TPO: variants seen among roughly 807,000 people sequenced by gnomAD.
TPO encodes the protein thyroid microsomal antigen.
TPO carries 78 observed loss-of-function variants against 96.9 expected under a neutral mutation model. The ratio of observed to expected loss-of-function variants is 0.81; its 90% CI spans 0.67 to 0.97. The LOEUF (loss-of-function observed/expected upper bound fraction) is 0.97. Ranked by LOEUF, TPO falls within the 50% of genes least tolerant of loss-of-function variation. The probability of loss-of-function intolerance (pLI) is 0.00; values close to 1 mark genes in which losing one functional copy is unlikely to be tolerated. For synonymous variants in TPO, 547 were observed against 538.0 expected (o/e 1.02, Z -0.23); for missense variants, 1,252 against 1,274.8 (o/e 0.98, Z 0.27).
intron 6 of TPO, 35 bp downstream of exon 6, chr2:1,453,858 A>T (rs1369128162): frequency 1.2e-6 from 2 of 1,613,322 alleles, no homozygotes; most frequent in Non-Finnish European, 1.7e-6. Flanking sequence ...CTGGACTAAG[A>T]TTGGGTCCTG....
intron 15 of TPO, among the ~76,000 whole-genome samples, chr2:1,519,563 T>C (rs1453439055): frequency 6.6e-6 from 1 of 152,176 alleles, no homozygotes; most frequent in African/African-American, 2.4e-5. Context: ...GCAGGAAATA[T>C]TCCCTATGTT....
At position 1,474,011 on chromosome 2, in the gene TPO, T is replaced by C. The variant is rs554234156; in HGVS notation, c.820-3075T>C. The stretch of plus-strand genomic sequence containing the variant: ...AGTAGCTTTACCAGCTCTTATTTTA[T>C]TTTCTAGACTTTGGTCTAACTGAGA... On this transcript the variant is annotated intron_variant, in intron 7 of 16. Coordinates refer to ENST00000329066, the MANE Select transcript of TPO (RefSeq NM_001206744.2). Among the ~76,000 whole-genome samples, 6 of 152,342 alleles carry C rather than the reference T, an allele frequency of 3.9e-5. No homozygotes were observed. The East Asian group carries it at 5.8e-4, about 15-fold the overall frequency.
intron 1 of TPO, among the ~76,000 whole-genome samples, chr2:1,403,345 G>T (rs13426159): frequency 1.3e-5 from 2 of 152,194 alleles, no homozygotes; most frequent in South Asian, 4.1e-4. Flanking sequence ...TGGAGGCCCA[G>T]ATGGACACCA....
intron 5 of TPO, among the ~76,000 whole-genome samples, chr2:1,438,114 G>A (rs898205229): frequency 4.0e-5 from 6 of 151,768 alleles, no homozygotes; most frequent in African/African-American, 7.3e-5. Context: ...TGGACTACAC[G>A]GGGAGGAGCA....
At chr2:1,506,677 G>A (rs1156348845) in intron 14 of TPO, among the ~76,000 whole-genome samples, 1 of 152,172 alleles carries the variant, frequency 6.6e-6, no homozygotes, top group East Asian at 1.9e-4. Context: ...CTGCATAAAT[G>A]TCTTCTTTTG....
In TPO at chr2:1,453,818, C is replaced by T. The variant is rs767922886; in HGVS notation, c.607C>T (p.Pro203Ser). The T allele has an allele frequency of 1.2e-6, 2 of 1,613,736 alleles. No individual in the cohort carries two copies. Among genetic ancestry groups the T allele is most frequent in the Non-Finnish European group, 1.7e-6 (2 of 1,180,038 alleles). Residue 203 changes from proline to serine, a missense_variant, in exon 6 of 17, where the codon CCC becomes TCC. Transcript: ENST00000329066. ...PGFLYNGFPL[P>S]PVREVTRHVI... ...CTTCTTGTACAACGGGTTCCCACTG[C>T]CCCCGGTGGGTACTCAGAACGCTAC...
At chr2:1,520,378 G>T (rs937957196) in intron 15 of TPO, among the ~76,000 whole-genome samples, 3 of 152,194 alleles carry the variant, frequency 2.0e-5, no homozygotes, top group Non-Finnish European at 4.4e-5. Flanking sequence ...GAGAGGGATA[G>T]GAAGAAAGAG....
At chr2:1,434,782 C>T (rs1375997363) in intron 4 of TPO, among the ~76,000 whole-genome samples, 1 of 152,132 alleles carries the variant, frequency 6.6e-6, no homozygotes, top group Non-Finnish European at 1.5e-5. Flanking sequence ...TAAGTATAGC[C>T]CATCTTGAAA....
At position 1,494,054 on chromosome 2, in the gene TPO, A is replaced by G. The variant is rs755778160; in HGVS notation, c.2006+15A>G. 1 of 1,612,372 alleles carries G rather than the reference A, an allele frequency of 6.2e-7. No individual in the cohort carries two copies. The highest frequency in any genetic ancestry group is 8.5e-7 in the Non-Finnish European group (1 of 1,178,574). On this transcript the variant is annotated intron_variant, in intron 11 of 16. Transcript: ENST00000329066. ...GACGGTGACTGGTACGTTCCTATCC[A>G]GAGCGTCTTCCTTCACGTTCTGCAC...
chr2:1,387,325 G>T, intron 1 of TPO, among the ~76,000 whole-genome samples: 1 of 152,098 alleles, frequency 6.6e-6, no homozygotes, highest in Non-Finnish European at 1.5e-5. Flanking sequence ...TGGTTCCATT[G>T]TCCCCATCAC....
At chr2:1,462,509 T>G (rs1668538593) in intron 7 of TPO, among the ~76,000 whole-genome samples, 1 of 139,768 alleles carries the variant, frequency 7.2e-6, no homozygotes, top group African/African-American at 3.1e-5. Flanking sequence ...AATACGTGTG[T>G]GTAGGTAAAC....
intron 14 of TPO, among the ~76,000 whole-genome samples, chr2:1,508,786 A>C (rs1421442326): frequency 1.3e-5 from 2 of 151,554 alleles, no homozygotes; most frequent in Non-Finnish European, 2.9e-5. Flanking sequence ...TTTCTTCTTT[A>C]TTAGTCTTGC....
chr2:1,496,526 C>G, intron 12 of TPO, 69 bp from the exon 13 acceptor site: 1 of 1,605,100 alleles, frequency 6.2e-7, no homozygotes. Flanking sequence ...GCACCCGTGA[C>G]AGGGACGTTG....
intron 1 of TPO, among the ~76,000 whole-genome samples, chr2:1,384,924 G>C (rs1661866826): frequency 6.6e-6 from 1 of 152,174 alleles, no homozygotes; most frequent in Non-Finnish European, 1.5e-5. Flanking sequence ...AGCATGAAAG[G>C]CTGTTGAATT....
chr2:1,435,346 C>T (rs1665462289), intron 4 of TPO, among the ~76,000 whole-genome samples: 1 of 152,226 alleles, frequency 6.6e-6, no homozygotes, highest in South Asian at 2.1e-4. Context: ...CCTCCACTAA[C>T]TGAATGCACA....
At chr2:1,416,655 A>G (rs1662994482) in intron 2 of TPO, among the ~76,000 whole-genome samples, 1 of 152,360 alleles carries the variant, frequency 6.6e-6, no homozygotes, top group East Asian at 1.9e-4. Flanking sequence ...GCCTGCTCCA[A>G]TATTTCAAAG....
chr2:1,381,846 C>T (rs190263985), intron 1 of TPO, among the ~76,000 whole-genome samples: 19 of 152,242 alleles, frequency 1.2e-4, no homozygotes, highest in Non-Finnish European at 2.4e-4. Context: ...CCATGACTCA[C>T]GGGTGCTGCA....
At chr2:1,472,245 A>G (rs1669493373) in intron 7 of TPO, among the ~76,000 whole-genome samples, 1 of 151,854 alleles carries the variant, frequency 6.6e-6, no homozygotes, top group African/African-American at 2.4e-5. Flanking sequence ...TGCCCTTCAC[A>G]TGATCTGAGT....
In TPO at chr2:1,453,821, C is replaced by T. The variant is rs377557272; in HGVS notation, c.610C>T (p.Pro204Ser). Residue 204 changes from proline (P) to serine (S), a missense_variant and splice_region_variant, in exon 6 of 17, where the codon CCG becomes TCG. By Grantham distance (74) the Pro-to-Ser change is moderately conservative. Coordinates refer to ENST00000329066, the MANE Select transcript of TPO (RefSeq NM_001206744.2). ...CTTGTACAACGGGTTCCCACTGCCCCCGGTGGGTACTCAGAACGCTACTAT... is the reference window on the plus strand; with the variant it reads ...CTTGTACAACGGGTTCCCACTGCCCTCGGTGGGTACTCAGAACGCTACTAT... ...GFLYNGFPLPPVREVTRHVIQ... is the reference protein window; with the variant it reads ...GFLYNGFPLPSVREVTRHVIQ... 60 of 1,613,588 alleles carry T rather than the reference C, an allele frequency of 3.7e-5. No individual in the cohort carries two copies. The highest frequency in any genetic ancestry group is 4.8e-5 in the Non-Finnish European group (57 of 1,180,038).
Sources: allele counts gnomAD v4.1 joint callset (sites outside exome capture counted in the v4.1 genomes callset), GRCh38; gene constraint gnomAD v4.1.1; transcripts MANE v1.5; gene names NCBI Gene and HGNC (gene_info 2026-07-23, HGNC 2026-07-21).